The following ITGB6 variants were observed in gnomAD, a reference collection of about 807,000 sequenced individuals.
ITGB6 encodes integrin subunit beta 6.
Under a neutral mutation model 84.5 loss-of-function variants are expected in ITGB6, and 80 were observed. The observed-to-expected ratio is 0.95, with a 90% CI of 0.79 to 1.14. The LOEUF is 1.14. Ranked by LOEUF, ITGB6 falls within the 50% of genes most tolerant of loss-of-function variation. ITGB6 has a pLI of 0.00. For missense variants in ITGB6, 1,006 were observed against 968.0 expected (o/e 1.04, Z -0.52); for synonymous variants, 383 against 354.9 (o/e 1.08, Z -0.89).
intron 4 of ITGB6, among the ~76,000 whole-genome samples, chr2:160,190,737 C>T (rs1050533856): frequency 3.9e-5 from 6 of 152,010 alleles, no homozygotes; most frequent in Admixed American, 6.6e-5. Context: ...TACTTGAAGC[C>T]CGATTAAGGA....
chr2:160,199,093 G>A, intron 2 of ITGB6, 86 bp downstream of exon 2: 1 of 1,101,824 alleles, frequency 9.1e-7, no homozygotes, highest in Non-Finnish European at 1.4e-6. Flanking sequence ...AAAAAAGCAA[G>A]TCACTATCAG....
intron 7 of ITGB6, among the ~76,000 whole-genome samples, chr2:160,158,456 AGGC>A: frequency 1.3e-5 from 2 of 152,328 alleles, no homozygotes; most frequent in East Asian, 3.9e-4. Context: ...GAGAACAAAG[AGGC>A]TACATTGAGT....
At chr2:160,174,960 C>T (rs1685359911) in intron 4 of ITGB6, among the ~76,000 whole-genome samples, 1 of 152,212 alleles carries the variant, frequency 6.6e-6, no homozygotes, top group African/African-American at 2.4e-5. Flanking sequence ...GAACCCCTAC[C>T]CAAGACCTGC....
At chr2:160,179,943 C>CAAAAAAA (rs60463723) in intron 4 of ITGB6, among the ~76,000 whole-genome samples, 3 of 102,976 alleles carry the variant, frequency 2.9e-5, no homozygotes, top group East Asian at 2.8e-4. Context: ...ACTAAAAATA[C>CAAAAAAA]AAAAAAAAAA....
intron 4 of ITGB6, among the ~76,000 whole-genome samples, chr2:160,175,064 G>A (rs565316289): frequency 8.5e-5 from 13 of 152,158 alleles, no homozygotes; most frequent in East Asian, 1.9e-4. Context: ...GTGTAGAAGC[G>A]CAAAGAGACA....
chr2:160,112,375 C>T (rs1330234089), intron 12 of ITGB6, among the ~76,000 whole-genome samples, 176 bp from the exon 13 acceptor site: 2 of 151,832 alleles, frequency 1.3e-5, no homozygotes, highest in Non-Finnish European at 2.9e-5. Flanking sequence ...TTTTCACTCA[C>T]GTTCCAGAAG....
At chr2:160,128,296 G>A (rs538535807) in intron 10 of ITGB6, among the ~76,000 whole-genome samples, 31 of 149,716 alleles carry the variant, frequency 2.1e-4, no homozygotes, top group African/African-American at 7.6e-4. Context: ...AAGGTTCTAT[G>A]CATTTCAGGA....
chr2:160,128,319 T>A (rs555859682), intron 10 of ITGB6, among the ~76,000 whole-genome samples: 3 of 148,430 alleles, frequency 2.0e-5, no homozygotes, highest in African/African-American at 7.4e-5. Flanking sequence ...ACATGTGGAA[T>A]CATGTGACCT....
intron 4 of ITGB6, among the ~76,000 whole-genome samples, chr2:160,189,599 A>G (rs1301208565): frequency 6.6e-6 from 1 of 152,238 alleles, no homozygotes; most frequent in Non-Finnish European, 1.5e-5. Flanking sequence ...AGACACATGA[A>G]AAAATGGTCA....
intron 4 of ITGB6, among the ~76,000 whole-genome samples, chr2:160,194,811 A>C (rs1389914814): frequency 1.3e-5 from 2 of 152,190 alleles, no homozygotes; most frequent in Non-Finnish European, 2.9e-5. Flanking sequence ...GCATATGAGA[A>C]TGGAGTCATT....
At chr2:160,151,552 A>G (rs1339818645) in intron 7 of ITGB6, among the ~76,000 whole-genome samples, 2 of 152,208 alleles carry the variant, frequency 1.3e-5, no homozygotes, top group Non-Finnish European at 2.9e-5. Context: ...AATCAAGAGC[A>G]AATACATTCA....
intron 13 of ITGB6, among the ~76,000 whole-genome samples, chr2:160,110,274 A>G (rs532401715): frequency 7.2e-5 from 11 of 152,342 alleles, no homozygotes; most frequent in South Asian, 2.1e-4. Flanking sequence ...TACCTTTAAA[A>G]TGAAAATAAT....
At chr2:160,134,600 T>C (rs186756614) in intron 10 of ITGB6, among the ~76,000 whole-genome samples, 3,781 of 151,970 alleles carry the variant, frequency 0.025, 134 homozygotes, top group African/African-American at 0.081. Context: ...GAGACACAAC[T>C]AAAAAAGAGA....
chr2:160,172,487 T>C, intron 6 of ITGB6, 82 bp downstream of exon 6: 1 of 1,289,562 alleles, frequency 7.8e-7, no homozygotes, highest in Non-Finnish European at 1.1e-6. Flanking sequence ...CAAGTGTATG[T>C]TATTTCACAT....
At chr2:160,193,351 T>G (rs968070165) in intron 4 of ITGB6, among the ~76,000 whole-genome samples, 1 of 152,054 alleles carries the variant, frequency 6.6e-6, no homozygotes, top group African/African-American at 2.4e-5. Flanking sequence ...TTCAAAACAT[T>G]ATGTTGAACC....
At chr2:160,144,075 G>C (rs1391678225) in intron 7 of ITGB6, among the ~76,000 whole-genome samples, 1 of 152,162 alleles carries the variant, frequency 6.6e-6, no homozygotes, top group Non-Finnish European at 1.5e-5. Flanking sequence ...GTCTCACTCT[G>C]TTGCCCAGGC....
chr2:160,177,878 CTA>C (rs1685491035), intron 4 of ITGB6, among the ~76,000 whole-genome samples: 1 of 136,468 alleles, frequency 7.3e-6, no homozygotes, highest in Non-Finnish European at 1.7e-5. Flanking sequence ...GAACAGTTAT[CTA>C]TCTTATTTTT....
Position 160,137,567 on chromosome 2 carries a change from G to A in ITGB6, c.1527C>T (p.Pro509=). The A allele has an allele frequency of 1.2e-6, 2 of 1,614,240 alleles. No individual in the cohort carries two copies. Among genetic ancestry groups the A allele is most frequent in the Non-Finnish European group, 8.5e-7 (1 of 1,180,036 alleles). Reference sequence around the variant, plus strand: ...AGCAGTCACCCCTTCCGCTGCAGGAGGGATGATCTGGGGCCTCCTTGCAGG... The same window carrying A: ...AGCAGTCACCCCTTCCGCTGCAGGAAGGATGATCTGGGGCCTCCTTGCAGG... ...TDSCKEAPDH[P]SCSGRGDCYC... The change falls in exon 10 of 15, where the codon CCC becomes CCT. Residue 509 remains proline, a synonymous_variant. Coordinates refer to ENST00000283249, the MANE Select transcript of ITGB6 (RefSeq NM_000888.5).
chr2:160,162,393 C>T (rs762395325), intron 7 of ITGB6, among the ~76,000 whole-genome samples: 5 of 151,836 alleles, frequency 3.3e-5, no homozygotes, highest in Non-Finnish European at 7.4e-5. Flanking sequence ...TATATACACA[C>T]ACACATATTT....
Sources: allele counts gnomAD v4.1 joint callset (sites outside exome capture counted in the v4.1 genomes callset), GRCh38; gene constraint gnomAD v4.1.1; transcripts MANE v1.5; gene names NCBI Gene and HGNC (gene_info 2026-07-23, HGNC 2026-07-21).